Variants in NIPSNAP1 observed in about 807,000 individuals in gnomAD.
NIPSNAP1 encodes protein NipSnap homolog 1.
A neutral mutation model predicts 49.2 loss-of-function variants in NIPSNAP1; 25 were observed. That is an observed-to-expected ratio of 0.51 (90% CI 0.37 to 0.71). The LOEUF is 0.71. NIPSNAP1 is among the 30% of genes least tolerant of loss of function. The pLI is 0.00. For missense variants in NIPSNAP1, 294 were observed against 361.0 expected (o/e 0.81, Z 1.50); for synonymous variants, 143 against 140.7 (o/e 1.02, Z -0.12).
At chr22:29,573,464 G>A (rs531202387) in intron 1 of NIPSNAP1, among the ~76,000 whole-genome samples, 2 of 152,042 alleles carry the variant, frequency 1.3e-5, no homozygotes, top group South Asian at 4.2e-4. Context: ...CTGAAGCCCT[G>A]TCTCTGCAAT....
chr22:29,571,066 C>T (rs1249288226), intron 1 of NIPSNAP1, among the ~76,000 whole-genome samples: 1 of 152,130 alleles, frequency 6.6e-6, no homozygotes. Flanking sequence ...CTGCTCTCAC[C>T]GTCCTCCCCA....
At chr22:29,578,908 A>G (rs1438146079) in intron 1 of NIPSNAP1, among the ~76,000 whole-genome samples, 1 of 151,008 alleles carries the variant, frequency 6.6e-6, no homozygotes, top group African/African-American at 2.5e-5. Flanking sequence ...CCCAATCTTG[A>G]TATTTTTATC....
At chr22:29,574,261 C>CAAAAAAAAAAAAAAAAAAAAAAAA (rs1158442759) in intron 1 of NIPSNAP1, among the ~76,000 whole-genome samples, 2 of 36,692 alleles carry the variant, frequency 5.5e-5, no homozygotes, top group African/African-American at 1.0e-4. Flanking sequence ...TCCATCTTCA[C>CAAAAAAAAAAAAAAAAAAAAAAAA]AAAAAAAAAA....
At chr22:29,575,729 G>A (rs1367096860) in intron 1 of NIPSNAP1, among the ~76,000 whole-genome samples, 1 of 142,346 alleles carries the variant, frequency 7.0e-6, no homozygotes, top group African/African-American at 2.6e-5. Flanking sequence ...TTTTTGTTTT[G>A]TTTGAGATGG....
chr22:29,571,451 C>T (rs2064406929), intron 1 of NIPSNAP1, among the ~76,000 whole-genome samples: 1 of 152,194 alleles, frequency 6.6e-6, no homozygotes, highest in East Asian at 1.9e-4. Flanking sequence ...TGTGCTTTGC[C>T]CATGAGCACT....
At chr22:29,577,316 G>C (rs1263683991) in intron 1 of NIPSNAP1, among the ~76,000 whole-genome samples, 1 of 151,112 alleles carries the variant, frequency 6.6e-6, no homozygotes, top group Non-Finnish European at 1.5e-5. Flanking sequence ...GCAATGGCAC[G>C]ATCTCGGCTC....
chr22:29,573,216 T>C (rs1374970491), intron 1 of NIPSNAP1, among the ~76,000 whole-genome samples: 1 of 152,058 alleles, frequency 6.6e-6, no homozygotes, highest in East Asian at 1.9e-4. Flanking sequence ...TTTGTATTTT[T>C]AGTAGAGACG....
chr22:29,570,609 C>A, intron 1 of NIPSNAP1, 77 bp from the exon 2 acceptor site: 2 of 1,550,790 alleles, frequency 1.3e-6, no homozygotes, highest in African/African-American at 2.7e-5. Context: ...GGATGTCCTG[C>A]TCCCCTAGAC....
intron 4 of NIPSNAP1, among the ~76,000 whole-genome samples, chr22:29,564,779 T>G (rs9608781): frequency 0.24 from 36,656 of 152,094 alleles, 4,527 homozygotes; most frequent in Non-Finnish European, 0.28. Context: ...TTCTTACAAG[T>G]TTATTAAAAT....
At chr22:29,573,867 A>G (rs1227583992) in intron 1 of NIPSNAP1, among the ~76,000 whole-genome samples, 1 of 151,604 alleles carries the variant, frequency 6.6e-6, no homozygotes, top group Non-Finnish European at 1.5e-5. Context: ...TGAACCCAGG[A>G]GGCGTAGGTT....
chr22:29,555,991 C>G lies in NIPSNAP1; in HGVS notation c.799G>C (p.Val267Leu). Residue 267 changes from valine to leucine, a missense_variant, in exon 10 of 10, where the codon GTG becomes CTG. Physicochemically the swap from Val to Leu is conservative, Grantham distance 32. This residue lies in a region of NIPSNAP1 where 146 missense variants were observed against 219.9 expected (regional missense o/e 0.66). Transcript: ENST00000216121. Reference protein sequence around the residue: ...DENVYYTVPLVRHMESRIMIP... With the variant: ...DENVYYTVPLLRHMESRIMIP... ...ATGATCCTAGACTCCATGTGTCGCA[C>G]CAGGGGGACTGCGGAGAGAGAAGGC... is the stretch of plus-strand genomic sequence containing the variant. 1 of 1,550,836 alleles carries G rather than the reference C, an allele frequency of 6.4e-7. No homozygotes were observed. Among genetic ancestry groups the G allele is most frequent in the Non-Finnish European group, 8.7e-7 (1 of 1,146,706 alleles).
rs1453185806 is a variant in NIPSNAP1, at chr22:29,560,772, GAGA to G, written c.665_667del (p.Phe222del). 1.2e-6 allele frequency: 2 copies of G among 1,614,012 alleles called. No homozygotes were observed. The highest frequency in any genetic ancestry group is 1.7e-6 in the Non-Finnish European group (2 of 1,180,034). ...CACCACGTAGAGCTCTCCTATCTGT[GAGA>G]AGAAGCCGCCCACTGCCTCCTGGTT... On this transcript the variant is annotated inframe_deletion, in exon 8 of 10. Transcript: ENST00000216121.
intron 1 of NIPSNAP1, among the ~76,000 whole-genome samples, chr22:29,573,558 C>T (rs892660100): frequency 1.3e-5 from 2 of 151,960 alleles, no homozygotes; most frequent in Non-Finnish European, 2.9e-5. Context: ...TACCTGAGGT[C>T]GGGAGTTTGA....
At chr22:29,559,473 G>T (rs2064318960) in intron 8 of NIPSNAP1, among the ~76,000 whole-genome samples, 1 of 151,942 alleles carries the variant, frequency 6.6e-6, no homozygotes. Flanking sequence ...GGAAGCGGAG[G>T]TTGCAGTGAG....
intron 2 of NIPSNAP1, 72 bp from the exon 3 acceptor site, chr22:29,570,279 C>T: frequency 6.3e-7 from 1 of 1,598,760 alleles, no homozygotes; most frequent in Non-Finnish European, 8.6e-7. Flanking sequence ...GTGAGGGGAG[C>T]CCATCAAGGC....
chr22:29,563,014 G>A (rs967882103), intron 4 of NIPSNAP1, among the ~76,000 whole-genome samples: 10 of 151,790 alleles, frequency 6.6e-5, no homozygotes, highest in African/African-American at 2.4e-4. Flanking sequence ...CAGGAGAATG[G>A]CATGAACCCA....
intron 4 of NIPSNAP1, among the ~76,000 whole-genome samples, chr22:29,566,994 C>T (rs1456949229): frequency 6.6e-6 from 1 of 152,080 alleles, no homozygotes. Context: ...TGGTGGCACA[C>T]GCCTGTAACC....
chr22:29,574,261 C>CAAAA lies in NIPSNAP1; in HGVS notation c.99-3733_99-3730dup, dbSNP rs1158442759. On this transcript the variant is annotated intron_variant, in intron 1 of 9. Transcript: ENST00000216121. ...ATGACAGAGTGAGACTCCATCTTCA[C>CAAAA]AAAAAAAAAAAAAAAAAAAAAAAAA... Among the ~76,000 whole-genome samples, 298 of 35,828 alleles carry CAAAA rather than the reference C, an allele frequency of 8.3e-3. 16 individuals are homozygous for CAAAA. The highest frequency in any genetic ancestry group is 0.028 in the East Asian group (18 of 644). 23.5% of individuals were successfully genotyped at this position (35,828 alleles called of 152,430 possible).
At chr22:29,575,809 G>C (rs554220072) in intron 1 of NIPSNAP1, among the ~76,000 whole-genome samples, 6 of 151,690 alleles carry the variant, frequency 4.0e-5, no homozygotes, top group Non-Finnish European at 8.8e-5. Context: ...CCGCCTCCCA[G>C]GTTCAAGCAA....
Sources: gnomAD v4.1 joint callset for allele counts (sites outside exome capture counted in the v4.1 genomes callset) on GRCh38, gnomAD v4.1.1 for gene constraint, gnomAD v4.1.1 regional missense constraint, MANE v1.5 for transcripts, NCBI Gene and HGNC (gene_info 2026-07-23, HGNC 2026-07-21) for gene names.